The following SV2A variants were observed in gnomAD, a reference collection of about 807,000 sequenced individuals.
SV2A encodes synaptic vesicle glycoprotein 2A.
In SV2A, 25 loss-of-function variants were observed where a neutral mutation model predicts 78.0. The ratio of observed to expected loss-of-function variants is 0.32; its 90% CI spans 0.23 to 0.45. SV2A has a LOEUF of 0.45. Ranked by LOEUF, SV2A falls within the 20% of genes least tolerant of loss-of-function variation. The probability of loss-of-function intolerance (pLI) is 1.00; values close to 1 mark genes in which losing one functional copy is unlikely to be tolerated. For missense variants in SV2A, 752 were observed against 971.5 expected, an observed-to-expected ratio of 0.77 and a Z score of 3.00; for synonymous variants, 355 against 384.7, an observed-to-expected ratio of 0.92 and a Z score of 0.90.
At position 149,909,421 on chromosome 1, in the gene SV2A, TC is replaced by T. The variant is rs1553763317; in HGVS notation, c.1290+39del. 1.9e-6 allele frequency: 3 copies of T among 1,581,222 alleles called. No individual in the cohort carries two copies. The East Asian group carries it at 6.7e-5, about 35-fold the overall frequency. On this transcript the variant is annotated intron_variant, in intron 7 of 12. Transcript: ENST00000369146. ...CTTCAGTCCTGCCTTCTTCTCCACTTCCCCCACTCCCTTCTATCTACCACCC... is the reference window on the plus strand; with the variant it reads ...CTTCAGTCCTGCCTTCTTCTCCACTTCCCCACTCCCTTCTATCTACCACCC...
intron 5 of SV2A, 104 bp from the exon 6 acceptor site, chr1:149,909,994 A>C: frequency 9.3e-7 from 1 of 1,073,058 alleles, no homozygotes. Flanking sequence ...AGGACACTAA[A>C]TGGTTCCCAG....
At position 149,912,245 on chromosome 1, in the gene SV2A, GAC is replaced by G. The variant is rs368961014; in HGVS notation, c.623-267_623-266del. Among the ~76,000 whole-genome samples, 7 of 152,222 alleles carry G rather than the reference GAC, an allele frequency of 4.6e-5. No individual in the cohort carries two copies. The South Asian group carries it at 8.3e-4, about 18-fold the overall frequency. On this transcript the variant is annotated intron_variant, in intron 2 of 12. Transcript: ENST00000369146. ...TTCGGTCTGTCTCATTTCTCACTCT[GAC>G]ACACACACAGTGACACCTTTACCCC...
In SV2A at chr1:149,913,830, C is replaced by T. The variant is rs1553764190; in HGVS notation, c.11G>A (p.Gly4Asp). The T allele has an allele frequency of 5.0e-6, 8 of 1,607,534 alleles. No homozygotes were observed. The highest frequency in any genetic ancestry group is 1.7e-4 in the Middle Eastern group (1 of 5,818). ...GATGAAAGCTGCCCGGTCTCGGAAG[C>T]CCTCTTCCATGATGGGGCTTGGGGC... MEE[G>D]FRDRAAFIRG... The change falls in exon 2 of 13, where the codon GGC (glycine) becomes GAC (aspartate). Residue 4 changes from glycine to aspartate, a missense_variant. By Grantham distance (94) the Gly-to-Asp change is moderately conservative (BLOSUM62 -1). This residue lies in a region of SV2A where 291 missense variants were observed against 359.5 expected (regional missense o/e 0.81). Coordinates refer to ENST00000369146, the MANE Select transcript of SV2A (RefSeq NM_014849.5).
intron 10 of SV2A, among the ~76,000 whole-genome samples, 189 bp downstream of exon 10, chr1:149,907,511 C>G (rs2092446316): frequency 6.6e-6 from 1 of 152,188 alleles, no homozygotes; most frequent in African/African-American, 2.4e-5. Flanking sequence ...TATTCTATTA[C>G]AGGAAAATGT....
Position 149,908,155 on chromosome 1 carries a change from T to G in SV2A, c.1431A>C (p.Ala477=). 6.2e-7 allele frequency: 1 copy of G among 1,614,196 alleles called. No individual in the cohort carries two copies. Among genetic ancestry groups the G allele is most frequent in the South Asian group, 1.1e-5 (1 of 91,078 alleles). The change falls in exon 9 of 13, where the codon GCA becomes GCC. Residue 477 remains alanine (A), a synonymous_variant. Transcript: ENST00000369146. ...WFPDMIRHLQ[A]VDYASRTKVF... is the part of the protein sequence containing the mutation. The stretch of plus-strand genomic sequence containing the variant: ...CTTTGGTGCGGGATGCGTAGTCCAC[T>G]GCCTGGAGATGGCGGATCATGTCAG...
At position 149,913,244 on chromosome 1, in the gene SV2A, C is replaced by T. The variant is rs781953249; in HGVS notation, c.597G>A (p.Leu199=). The change falls in exon 2 of 13, where the codon CTG becomes CTA. Residue 199 remains leucine (L), a synonymous_variant. Coordinates refer to ENST00000369146, the MANE Select transcript of SV2A (RefSeq NM_014849.5). ...CTAGCATGCCTTTGTTGGAGTCGGA[C>T]AGGCACATGTCTTTCTCAGCGCTGG... is the stretch of plus-strand genomic sequence containing the variant. ...VLPSAEKDMC[L]SDSNKGMLGL... 2.5e-6 allele frequency: 4 copies of T among 1,613,972 alleles called. No individual in the cohort carries two copies. The East Asian group carries it at 8.9e-5, about 36-fold the overall frequency.
At chr1:149,911,071 A>G (rs2092472439) in intron 3 of SV2A, 94 bp from the exon 4 acceptor site, 2 of 1,471,026 alleles carry the variant, frequency 1.4e-6, no homozygotes, top group Non-Finnish European at 9.1e-7. Context: ...TTTGTCTTCC[A>G]GGCTTTTGAA....
intron 1 of SV2A, among the ~76,000 whole-genome samples, chr1:149,915,194 T>C (rs1553764389): frequency 6.6e-6 from 1 of 152,226 alleles, no homozygotes; most frequent in Non-Finnish European, 1.5e-5. Flanking sequence ...GATGTGAGAA[T>C]GTAATCTCAC....
In SV2A at chr1:149,913,707, G is replaced by A. The variant is rs782071934; in HGVS notation, c.134C>T (p.Ser45Leu). ...ATCCTCCTCCTCAAAGCGGGAGTAC[G>A]ATCTTCGGGAATATTCGTCCTGGAC... is the stretch of plus-strand genomic sequence containing the variant. ...DRVQDEYSRRSYSRFEEEDDD... is the reference protein window; with the variant it reads ...DRVQDEYSRRLYSRFEEEDDD... Residue 45 changes from serine to leucine, a missense_variant, in exon 2 of 13, where the codon TCG (serine) becomes TTG (leucine). Around this residue, in one of 7 missense-constraint regions of SV2A, gnomAD observed 291 missense variants for 359.5 expected, o/e 0.81. Transcript: ENST00000369146. 4.3e-6 allele frequency: 7 copies of A among 1,614,076 alleles called. No individual in the cohort carries two copies. Among genetic ancestry groups the A allele is most frequent in the Middle Eastern group, 1.6e-4 (1 of 6,062 alleles).
In SV2A at chr1:149,911,896, A is replaced by G; in HGVS notation, c.707T>C (p.Leu236Pro). ...ADRLGRRQCL[L>P]ISLSVNSVFA... ...GACGCTGTTGACTGAGAGCGAGATG[A>G]GCAGACACTGCCTCCGACCCAGCCG... The change falls in exon 3 of 13, where the codon CTC (leucine) becomes CCC (proline). Residue 236 changes from leucine to proline, a missense_variant. Coordinates refer to ENST00000369146, the MANE Select transcript of SV2A (RefSeq NM_014849.5). 1 of 1,614,190 alleles carries G rather than the reference A, an allele frequency of 6.2e-7. No individual in the cohort carries two copies. Among genetic ancestry groups the G allele is most frequent in the Non-Finnish European group, 8.5e-7 (1 of 1,180,036 alleles).
In SV2A at chr1:149,913,850, TG is replaced by T; in HGVS notation, c.-11del. On this transcript the variant is annotated 5_prime_UTR_variant, in exon 2 of 13. Coordinates refer to ENST00000369146, the MANE Select transcript of SV2A (RefSeq NM_014849.5). ...GGAAGCCCTCTTCCATGATGGGGCT[TG>T]GGGCACTTCACTGGGTCTTCTCCAC... 1 of 1,595,526 alleles carries T rather than the reference TG, an allele frequency of 6.3e-7. No individual in the cohort carries two copies. The highest frequency in any genetic ancestry group is 1.1e-5 in the South Asian group (1 of 89,276).
intron 12 of SV2A, 64 bp downstream of exon 12, chr1:149,905,816 C>T: frequency 6.3e-7 from 1 of 1,584,590 alleles, no homozygotes; most frequent in Non-Finnish European, 8.6e-7. Context: ...TCCCATTCAG[C>T]CCTCCTTCCT....
chr1:149,905,299 T>C (rs1200314436), intron 12 of SV2A, 102 bp from the exon 13 acceptor site: 2 of 1,041,130 alleles, frequency 1.9e-6, no homozygotes, highest in Non-Finnish European at 1.4e-6. Flanking sequence ...GCAGGCAGTG[T>C]CCAAGAGGGA....
chr1:149,910,533 G>T lies in SV2A; in HGVS notation c.1089+37C>A. On this transcript the variant is annotated intron_variant, in intron 5 of 12. Transcript: ENST00000369146. This position sits in a 1 kb window ranked among gnomAD's most constrained non-coding sequence, Gnocchi z 4.2. ...TGCTGCCGTCCACACTCCACAGCCC[G>T]CACCCCACCCCACCCCATGCAGCTC... 1 of 1,560,442 alleles carries T rather than the reference G, an allele frequency of 6.4e-7. No individual in the cohort carries two copies. The highest frequency in any genetic ancestry group is 8.7e-7 in the Non-Finnish European group (1 of 1,154,948).
At chr1:149,908,313 G>A in intron 8 of SV2A, 107 bp from the exon 9 acceptor site, 1 of 1,314,112 alleles carries the variant, frequency 7.6e-7, no homozygotes, top group Non-Finnish European at 1.1e-6. Context: ...TCAGAACAAG[G>A]GAGAAATGGA....
At chr1:149,914,472 C>T (rs1430741467) in intron 1 of SV2A, among the ~76,000 whole-genome samples, 4 of 152,204 alleles carry the variant, frequency 2.6e-5, no homozygotes, top group African/African-American at 9.6e-5. Flanking sequence ...GCTTTATCAC[C>T]AATCTGCAAA....
At position 149,910,877 on chromosome 1, in the gene SV2A, T is replaced by C; in HGVS notation, c.904A>G (p.Ile302Val). 1 of 1,614,172 alleles carries C rather than the reference T, an allele frequency of 6.2e-7. No individual in the cohort carries two copies. Among genetic ancestry groups the C allele is most frequent in the Non-Finnish European group, 8.5e-7 (1 of 1,180,014 alleles). The change falls in exon 4 of 13, where the codon ATT (isoleucine) becomes GTT (valine). Residue 302 changes from isoleucine (I) to valine (V), a missense_variant. By Grantham distance (29) the Ile-to-Val change is conservative. Coordinates refer to ENST00000369146, the MANE Select transcript of SV2A (RefSeq NM_014849.5). The surrounding 1 kb of genome is among the most constrained non-coding windows in gnomAD (Gnocchi z 4.2). Reference protein sequence around the residue: ...HLSWLCMFWMIGGVYAAAMAW... With the variant: ...HLSWLCMFWMVGGVYAAAMAW... The stretch of plus-strand genomic sequence containing the variant: ...ATAGCAGCTGCGTACACGCCACCAA[T>C]CATCCAAAACATGCAGAGCCAGCTC...
At chr1:149,908,726 C>A (rs2092455155) in intron 8 of SV2A, among the ~76,000 whole-genome samples, 1 of 152,192 alleles carries the variant, frequency 6.6e-6, no homozygotes, top group Admixed American at 6.5e-5. Context: ...CAACCTCTGC[C>A]TCCCGGATTC....
chr1:149,903,391 G>C lies in SV2A; in HGVS notation c.*1623C>G, dbSNP rs2092412433. ...TCACTGCATTTTTCACATCAACAGA[G>C]TTGGGTTTAGGGTTCCCCAGGAGAG... On this transcript the variant is annotated 3_prime_UTR_variant, in exon 13 of 13. Coordinates refer to ENST00000369146, the MANE Select transcript of SV2A (RefSeq NM_014849.5). 6.6e-6 allele frequency: 1 copy of C among 152,274 alleles called. No homozygotes were observed. 9.4% of individuals were successfully genotyped at this position (152,274 alleles called of 1,614,324 possible). A position where few individuals can be genotyped will look rare whatever the true frequency, so the allele number is the denominator to read the frequency against.
Sources: gnomAD v4.1 joint callset for allele counts (sites outside exome capture counted in the v4.1 genomes callset) on GRCh38, gnomAD v4.1.1 for gene constraint, gnomAD v4.1.1 regional missense constraint, Gnocchi (gnomAD v3.1) non-coding constraint, MANE v1.5 for transcripts, NCBI Gene and HGNC (gene_info 2026-07-23, HGNC 2026-07-21) for gene names.